Variants in GRID2 observed in about 807,000 individuals in gnomAD.
The protein encoded by GRID2 is glutamate receptor ionotropic, delta-2.
A neutral mutation model predicts 114.8 loss-of-function variants in GRID2; 33 were observed. The ratio of observed to expected loss-of-function variants is 0.29; its 90% CI spans 0.22 to 0.38. The LOEUF is 0.38. Ranked by LOEUF, GRID2 falls within the 10% of genes least tolerant of loss-of-function variation. The probability of loss-of-function intolerance (pLI) is 1.00; values close to 1 mark genes in which losing one functional copy is unlikely to be tolerated. For synonymous variants in GRID2, 505 were observed against 449.9 expected, an observed-to-expected ratio of 1.12 and a Z score of -1.55; for missense variants, 1,184 against 1,257.7, an observed-to-expected ratio of 0.94 and a Z score of 0.89.
chr4:92,634,497 T>C (rs1730968181), intron 2 of GRID2, among the ~76,000 whole-genome samples: 1 of 152,074 alleles, frequency 6.6e-6, no homozygotes, highest in Non-Finnish European at 1.5e-5. Context: ...AGATGTCACT[T>C]TATAATGCTG....
At chr4:93,298,393 G>T (rs1296546798) in intron 8 of GRID2, among the ~76,000 whole-genome samples, 1 of 152,166 alleles carries the variant, frequency 6.6e-6, no homozygotes, top group African/African-American at 2.4e-5. Flanking sequence ...ACTCCTGGCT[G>T]TTCCCTCAAA....
chr4:92,892,525 T>C lies in GRID2; in HGVS notation c.245-192470T>C, dbSNP rs577008047. On this transcript the variant is annotated intron_variant, in intron 2 of 15. Coordinates refer to ENST00000282020, the MANE Select transcript of GRID2 (RefSeq NM_001510.4). ...ATATATTATGTAAGCTATATTATTA[T>C]GTGTGAGAATAAAGAATGTATTTTC... Among the ~76,000 whole-genome samples the C allele has an allele frequency of 8.5e-4, 130 of 152,308 alleles. No homozygotes were observed. In the South Asian group the frequency reaches 0.026, roughly 31 times the overall value.
intron 1 of GRID2, among the ~76,000 whole-genome samples, chr4:92,457,171 A>G (rs970705893): frequency 1.3e-5 from 2 of 151,986 alleles, no homozygotes; most frequent in Admixed American, 6.6e-5. Flanking sequence ...ACTATCCTCT[A>G]TCACCTCAGT....
intron 1 of GRID2, among the ~76,000 whole-genome samples, chr4:92,480,770 T>C (rs1250242316): frequency 6.6e-6 from 1 of 152,164 alleles, no homozygotes; most frequent in East Asian, 1.9e-4. Flanking sequence ...GAAATTAAGG[T>C]GTAGGCATAT....
intron 2 of GRID2, among the ~76,000 whole-genome samples, chr4:92,713,112 C>T (rs1283869956): frequency 6.6e-6 from 1 of 151,492 alleles, no homozygotes; most frequent in East Asian, 1.9e-4. Flanking sequence ...CATCATTTAA[C>T]ATTAGGTATA....
chr4:93,478,663 A>G (rs1725564000), intron 11 of GRID2, among the ~76,000 whole-genome samples: 1 of 151,840 alleles, frequency 6.6e-6, no homozygotes, highest in Non-Finnish European at 1.5e-5. Context: ...TAAACATTTT[A>G]TATTTTAACT....
In GRID2 at chr4:92,503,141, A is replaced by C. The variant is rs62310676; in HGVS notation, c.89-86990A>C. On this transcript the variant is annotated intron_variant, in intron 1 of 15. Transcript: ENST00000282020. ...CTAGAAATCCAGAAAGCCTGTACTA[A>C]TTATGTACATGCTATATAGTATGTA... Among the ~76,000 whole-genome samples the C allele has an allele frequency of 7.7e-4, 118 of 152,284 alleles. 1 individual carries two copies. The highest frequency in any genetic ancestry group is 1.8e-3 in the Admixed American group (27 of 15,284).
intron 14 of GRID2, among the ~76,000 whole-genome samples, chr4:93,732,022 T>A (rs1730525911): frequency 6.6e-6 from 1 of 152,132 alleles, no homozygotes; most frequent in Non-Finnish European, 1.5e-5. Flanking sequence ...TTTTTGAAAC[T>A]AAGGACAGAC....
intron 10 of GRID2, among the ~76,000 whole-genome samples, chr4:93,432,911 T>G (rs1769558136): frequency 6.6e-6 from 1 of 151,782 alleles, no homozygotes. Flanking sequence ...AAAATAAACA[T>G]TAAAAAAAAT....
chr4:93,791,864 T>G (rs1009616495), intron 1 of GRID2, among the ~76,000 whole-genome samples: 9 of 152,230 alleles, frequency 5.9e-5, no homozygotes, highest in African/African-American at 2.2e-4. Context: ...GTGTGAAAAG[T>G]CTCAGCCCTC....
chr4:93,374,646 C>A (rs1284393082), intron 8 of GRID2, among the ~76,000 whole-genome samples: 2 of 152,136 alleles, frequency 1.3e-5, no homozygotes, highest in Non-Finnish European at 2.9e-5. Context: ...AAATGCATCC[C>A]TAGCTACATT....
At chr4:92,446,122 T>C (rs1353713129) in intron 1 of GRID2, among the ~76,000 whole-genome samples, 3 of 152,130 alleles carry the variant, frequency 2.0e-5, no homozygotes, top group African/African-American at 7.2e-5. Flanking sequence ...AATTTTTGTA[T>C]TTTTAGTAGA....
At chr4:93,301,975 C>T (rs1754920136) in intron 8 of GRID2, among the ~76,000 whole-genome samples, 1 of 151,900 alleles carries the variant, frequency 6.6e-6, no homozygotes, top group South Asian at 2.1e-4. Context: ...ACAAAGATGT[C>T]GCTAAGTAAC....
At chr4:92,359,670 A>C (rs1302646981) in intron 1 of GRID2, among the ~76,000 whole-genome samples, 3 of 151,974 alleles carry the variant, frequency 2.0e-5, no homozygotes, top group African/African-American at 7.2e-5. Context: ...ATCAGGCGCT[A>C]CTGAGAGGCA....
chr4:93,783,842 G>A (rs1431857339), intron 1 of GRID2, among the ~76,000 whole-genome samples: 1 of 151,770 alleles, frequency 6.6e-6, no homozygotes. Context: ...GGAGGCCGAG[G>A]TGGGCGGATC....
intron 2 of GRID2, among the ~76,000 whole-genome samples, chr4:92,808,828 C>T (rs2149377457): frequency 6.6e-6 from 1 of 151,108 alleles, no homozygotes; most frequent in Non-Finnish European, 1.5e-5. Context: ...TGTTGGCTAA[C>T]ACTGAGAAAC....
chr4:92,435,961 G>A (rs560938297), intron 1 of GRID2, among the ~76,000 whole-genome samples: 28 of 152,208 alleles, frequency 1.8e-4, no homozygotes, highest in African/African-American at 6.5e-4. Flanking sequence ...ATCTGAGATT[G>A]TTTGGTATAG....
intron 2 of GRID2, among the ~76,000 whole-genome samples, chr4:92,870,457 T>C (rs937411308): frequency 6.6e-6 from 1 of 152,126 alleles, no homozygotes; most frequent in African/African-American, 2.4e-5. Flanking sequence ...ATGAATACTT[T>C]GGAAGTGTTT....
At chr4:92,688,546 A>G (rs1734033829) in intron 2 of GRID2, among the ~76,000 whole-genome samples, 1 of 152,214 alleles carries the variant, frequency 6.6e-6, no homozygotes, top group Non-Finnish European at 1.5e-5. Flanking sequence ...TTCCACATCA[A>G]GAAACCATTG....
Sources: allele counts gnomAD v4.1 joint callset (sites outside exome capture counted in the v4.1 genomes callset), GRCh38; gene constraint gnomAD v4.1.1; transcripts MANE v1.5; gene names NCBI Gene and HGNC (gene_info 2026-07-23, HGNC 2026-07-21).